TPRG1: variants seen among roughly 807,000 people sequenced by gnomAD.
The protein encoded by TPRG1 is tumor protein p63 regulated 1, also known as tumor protein p63-regulated gene 1 protein.
Under a neutral mutation model 29.3 loss-of-function variants are expected in TPRG1, and 29 were observed. That is an observed-to-expected ratio of 0.99 (90% CI 0.74 to 1.35). The LOEUF (loss-of-function observed/expected upper bound fraction) is 1.35, where lower values mean the gene tolerates loss of function less well. TPRG1 is among the 40% of genes most tolerant of loss of function. The pLI, the probability that TPRG1 is intolerant of heterozygous loss-of-function variation, is 0.00. For synonymous variants in TPRG1, 130 were observed against 116.8 expected (o/e 1.11, Z -0.73); for missense variants, 327 against 335.0 (o/e 0.98, Z 0.19).
rs546237840 is a variant in TPRG1, at chr3:189,110,119, T to C, written c.-744+9915T>C. Among the ~76,000 whole-genome samples, 22 of 152,326 alleles carry C rather than the reference T, an allele frequency of 1.4e-4. No homozygotes were observed. In the South Asian group the frequency reaches 4.6e-3, roughly 32 times the overall value. On this transcript the variant is annotated intron_variant, in intron 1 of 6. Coordinates refer to the TPRG1 transcript ENST00000412373. Reference sequence around the variant, plus strand: ...GTGTGAATATAGGTTTTCATTTAACTTCGGTAGAAACTACAAGTGGGATTG... The same window carrying C: ...GTGTGAATATAGGTTTTCATTTAACCTCGGTAGAAACTACAAGTGGGATTG...
At chr3:189,072,737 A>G (rs551368097) in intron 4 of TPRG1, among the ~76,000 whole-genome samples, 5 of 152,194 alleles carry the variant, frequency 3.3e-5, no homozygotes, top group East Asian at 1.9e-4. Context: ...TTTCTTGCCT[A>G]TCGTTCTCTT....
chr3:189,090,394 C>T (rs1718262745), intron 4 of TPRG1, among the ~76,000 whole-genome samples: 1 of 151,152 alleles, frequency 6.6e-6, no homozygotes, highest in African/African-American at 2.5e-5. Flanking sequence ...GATAATAGGT[C>T]AGTGTTTATA....
At chr3:189,159,691 G>T (rs533074956) in intron 5 of TPRG1, among the ~76,000 whole-genome samples, 1 of 152,238 alleles carries the variant, frequency 6.6e-6, no homozygotes, top group East Asian at 1.9e-4. Flanking sequence ...TAATTCTCTG[G>T]CATGTTGTTC....
At chr3:189,101,463 C>T (rs941088506) in intron 1 of TPRG1, among the ~76,000 whole-genome samples, 5 of 152,134 alleles carry the variant, frequency 3.3e-5, no homozygotes, top group Non-Finnish European at 5.9e-5. Flanking sequence ...TTCACACTCA[C>T]CCCCCACTGT....
At chr3:189,165,317 G>T (rs529155658) in intron 5 of TPRG1, among the ~76,000 whole-genome samples, 16 of 151,906 alleles carry the variant, frequency 1.1e-4, no homozygotes, top group African/African-American at 3.4e-4. Context: ...CTTACAGCAA[G>T]ACTGATTCAC....
intron 1 of TPRG1, chr3:189,127,025 A>G (rs1426561670): frequency 1.3e-5 from 2 of 152,150 alleles, no homozygotes; most frequent in East Asian, 1.9e-4. Flanking sequence ...AGCTGTCAGT[A>G]ATTACAAATC....
chr3:189,169,848 G>T (rs1297383334), upstream of TPRG1, among the ~76,000 whole-genome samples: 6 of 152,188 alleles, frequency 3.9e-5, no homozygotes, highest in Non-Finnish European at 8.8e-5. Context: ...TCTGATCCCA[G>T]TGAGCAGCTG....
At position 189,108,532 on chromosome 3, in the gene TPRG1, GT is replaced by G. The variant is rs11360407; in HGVS notation, c.-744+8341del. 2.0e-3 allele frequency among the ~76,000 whole-genome samples: 285 copies of G among 140,568 alleles called. 1 individual carries two copies. The highest frequency in any genetic ancestry group is 3.2e-3 in the Admixed American group (45 of 14,012). 92.2% of individuals were successfully genotyped at this position (140,568 alleles called of 152,430 possible). ...CCATAAATTTTATTTTTTAGAACGT[GT>G]TTTTTTTTTTTTCGCCTCGGAACAA... On this transcript the variant is annotated intron_variant, in intron 1 of 6. Transcript: ENST00000412373.
At chr3:189,119,297 C>T (rs1721552380) in intron 1 of TPRG1, among the ~76,000 whole-genome samples, 1 of 152,148 alleles carries the variant, frequency 6.6e-6, no homozygotes, top group Admixed American at 6.5e-5. Context: ...TGCCTATGCC[C>T]CCATTGTATC....
rs182571323 is a variant in TPRG1 at position 189,035,934 on chromosome 3, G to A, written c.-463+11988G>A. On this transcript the variant is annotated intron_variant, in intron 4 of 10. Transcript: ENST00000433971. ...CCCCTTACTGGGTCTATACCCAGAG[G>A]AAAATAAATTGTTCTACCAAAAAGA... 3.3e-3 allele frequency among the ~76,000 whole-genome samples: 509 copies of A among 152,120 alleles called. 2 individuals carry two copies. Among genetic ancestry groups the A allele is most frequent in the South Asian group, 0.015 (70 of 4,812 alleles).
chr3:189,295,033 C>G (rs1014470787), intron 4 of TPRG1, among the ~76,000 whole-genome samples: 1 of 152,250 alleles, frequency 6.6e-6, no homozygotes, highest in African/African-American at 2.4e-5. Context: ...AACTCCAACA[C>G]TTTCCCACAT....
chr3:189,244,775 C>T (rs1414685938), intron 4 of TPRG1, among the ~76,000 whole-genome samples: 1 of 152,156 alleles, frequency 6.6e-6, no homozygotes, highest in Non-Finnish European at 1.5e-5. Context: ...CAGATCCAAA[C>T]CATATCAGTG....
chr3:189,124,591 T>C (rs1156398404), intron 1 of TPRG1, among the ~76,000 whole-genome samples: 2 of 151,922 alleles, frequency 1.3e-5, no homozygotes, highest in African/African-American at 4.8e-5. Context: ...TACGTGTACA[T>C]ATATTAATAT....
intron 4 of TPRG1, among the ~76,000 whole-genome samples, chr3:189,078,131 T>G (rs1197698619): frequency 2.2e-5 from 3 of 139,234 alleles, no homozygotes; most frequent in Non-Finnish European, 4.7e-5. Context: ...CTTTCTTTCT[T>G]TCTTTCCTTT....
chr3:189,246,179 A>G (rs1374059449), intron 4 of TPRG1, among the ~76,000 whole-genome samples: 9 of 152,122 alleles, frequency 5.9e-5, no homozygotes, highest in Non-Finnish European at 1.3e-4. Flanking sequence ...ATGGTTTTAT[A>G]AAGGGCAGTT....
At chr3:189,172,410 A>C (rs1004898982) in intron 1 of TPRG1, among the ~76,000 whole-genome samples, 6 of 152,104 alleles carry the variant, frequency 3.9e-5, no homozygotes, top group Admixed American at 3.3e-4. Flanking sequence ...GTGCAGTAGG[A>C]TGGGTATAAT....
chr3:189,023,121 A>G (rs1713453580), intron 3 of TPRG1, among the ~76,000 whole-genome samples: 1 of 152,260 alleles, frequency 6.6e-6, no homozygotes, highest in East Asian at 1.9e-4. Flanking sequence ...ACCTGCGCCC[A>G]CTGTCTGGCA....
chr3:189,068,306 G>A (rs1307837925), intron 4 of TPRG1, among the ~76,000 whole-genome samples: 1 of 152,170 alleles, frequency 6.6e-6, no homozygotes, highest in Non-Finnish European at 1.5e-5. Flanking sequence ...CAATGCCACT[G>A]CTGGGTAGAT....
In TPRG1 at chr3:189,321,091, A is replaced by G. The variant is rs886439513; in HGVS notation, c.*271A>G. On this transcript the variant is annotated 3_prime_UTR_variant, in exon 6 of 6. Coordinates refer to ENST00000345063, the MANE Select transcript of TPRG1 (RefSeq NM_198485.4). ...ACTGTTATCAAATGAGTGCCTGATC[A>G]TCAACTCAGGAAAGAAGACTCTAAG... 4 of 278,830 alleles carry G rather than the reference A, an allele frequency of 1.4e-5. No individual in the cohort carries two copies. The highest frequency in any genetic ancestry group is 5.2e-5 in the Admixed American group (1 of 19,106). The allele number at this position is 278,830 out of a possible 1,614,324, so 17.3% of individuals were successfully genotyped here. A position where few individuals can be genotyped will look rare whatever the true frequency, so the allele number is the denominator to read the frequency against.
Sources: allele counts gnomAD v4.1 joint callset (sites outside exome capture counted in the v4.1 genomes callset), GRCh38; gene constraint gnomAD v4.1.1; transcripts MANE v1.5; gene names NCBI Gene and HGNC (gene_info 2026-07-23, HGNC 2026-07-21).